The following C14orf39 variants were observed in gnomAD, a reference collection of about 807,000 sequenced individuals.
C14orf39 encodes protein SIX6OS1.
Under a neutral mutation model 85.6 loss-of-function variants are expected in C14orf39, and 66 were observed. The ratio of observed to expected loss-of-function variants is 0.77; its 90% confidence interval spans 0.63 to 0.95. The LOEUF is 0.95. Among genes scored for constraint, C14orf39 ranks in the 40% least tolerant of loss-of-function variants. C14orf39 has a pLI of 0.00. For missense variants in C14orf39, 735 were observed against 663.9 expected, an observed-to-expected ratio of 1.11 and a Z score of -1.18; for synonymous variants, 242 against 214.0, an observed-to-expected ratio of 1.13 and a Z score of -1.14.
At chr14:60,439,342 G>A (rs150885415) in intron 17 of C14orf39, among the ~76,000 whole-genome samples, 1 of 152,142 alleles carries the variant, frequency 6.6e-6, no homozygotes, top group Non-Finnish European at 1.5e-5. Context: ...GTGATCTATA[G>A]GTAAGCTGAA....
chr14:60,481,370 G>A (rs192927444), intron 4 of C14orf39, among the ~76,000 whole-genome samples: 1 of 152,156 alleles, frequency 6.6e-6, no homozygotes, highest in African/African-American at 2.4e-5. Context: ...CAAAATTTAT[G>A]CTTGGGCCAG....
chr14:60,509,582 T>C, intron 1 of C14orf39: 1 of 1,613,076 alleles, frequency 6.2e-7, no homozygotes, highest in Non-Finnish European at 8.5e-7. Flanking sequence ...CATCGTGGCC[T>C]TTCACGGTGG....
chr14:60,483,142 G>A (rs573632315), intron 4 of C14orf39, among the ~76,000 whole-genome samples: 3 of 152,112 alleles, frequency 2.0e-5, no homozygotes, highest in Admixed American at 2.0e-4. Context: ...TTAAAATTTT[G>A]AATAACAAAA....
At chr14:60,460,068 T>C (rs947952072) in intron 13 of C14orf39, among the ~76,000 whole-genome samples, 6 of 151,720 alleles carry the variant, frequency 4.0e-5, no homozygotes, top group South Asian at 2.1e-4. Flanking sequence ...GAGAGCTTTA[T>C]AGTTTTTGTC....
chr14:60,510,966 G>A, intron 1 of C14orf39: 1 of 1,052,964 alleles, frequency 9.5e-7, no homozygotes. Context: ...CGCCTTAACT[G>A]CTGGGGTCTT....
At chr14:60,495,053 T>G (rs1333807733) in intron 2 of C14orf39, 1 of 213,208 alleles carries the variant, frequency 4.7e-6, no homozygotes, top group Non-Finnish European at 9.9e-6. Flanking sequence ...AGACACAACT[T>G]TATTGATGTG....
At chr14:60,497,635 G>A (rs1183589275) in intron 2 of C14orf39, among the ~76,000 whole-genome samples, 1 of 152,188 alleles carries the variant, frequency 6.6e-6, no homozygotes, top group African/African-American at 2.4e-5. Flanking sequence ...TAGTACTTTG[G>A]GAGGCCGAGG....
upstream of C14orf39, among the ~76,000 whole-genome samples, chr14:60,487,293 C>G (rs976566932): frequency 6.6e-6 from 1 of 152,186 alleles, no homozygotes; most frequent in South Asian, 2.1e-4. Flanking sequence ...CCTCCCTCCC[C>G]CAGCCACTGG....
intron 16 of C14orf39, 71 bp downstream of exon 16, chr14:60,454,930 T>C: frequency 8.0e-7 from 1 of 1,242,920 alleles, no homozygotes; most frequent in Non-Finnish European, 1.1e-6. Context: ...AGTTTTGTAT[T>C]AAAGAACTAA....
At chr14:60,467,209 TTAG>T (rs1384482748) in intron 9 of C14orf39, among the ~76,000 whole-genome samples, 165 bp from the exon 10 acceptor site, 2 of 151,870 alleles carry the variant, frequency 1.3e-5, no homozygotes, top group African/African-American at 2.4e-5. Context: ...ACTGAATTAC[TTAG>T]TAGTGGTGTC....
chr14:60,466,914 T>C lies in C14orf39; in HGVS notation c.895+3A>G, dbSNP rs1477478929. 2 of 1,480,528 alleles carry C rather than the reference T, an allele frequency of 1.4e-6. No homozygotes were observed. Among genetic ancestry groups the C allele is most frequent in the Non-Finnish European group, 8.9e-7 (1 of 1,119,780 alleles). The allele number at this position is 1,480,528 out of a possible 1,614,324, so 91.7% of individuals were successfully genotyped here. ...GTTTTTGAATAACAAACAGATATTA[T>C]ACCTGCAACTCTTGGTTCTGAAGAA... On this transcript the variant is annotated splice_donor_region_variant and intron_variant, in intron 10 of 17. Coordinates refer to ENST00000321731, the MANE Select transcript of C14orf39 (RefSeq NM_174978.3).
At chr14:60,457,739 CTTATT>C (rs1334745393) in intron 14 of C14orf39, among the ~76,000 whole-genome samples, 2 of 151,898 alleles carry the variant, frequency 1.3e-5, no homozygotes, top group Non-Finnish European at 2.9e-5. Flanking sequence ...TGCTGTTTCT[CTTATT>C]TTAACCTTTA....
intron 11 of C14orf39, 101 bp from the exon 12 acceptor site, chr14:60,461,694 T>C (rs1159764207): frequency 1.7e-6 from 1 of 592,836 alleles, no homozygotes; most frequent in Non-Finnish European, 2.9e-6. Flanking sequence ...TAGTATTTCA[T>C]CCTTTCCATC....
Position 60,491,379 on chromosome 14 carries a change from C to A in C14orf39, c.-8-6293G>T, listed in dbSNP as rs1284192514. On this transcript the variant is annotated intron_variant, in intron 2 of 5. Transcript: ENST00000556799. This position sits in a 1 kb window ranked among gnomAD's most constrained non-coding sequence, Gnocchi z 4.5. Reference sequence around the variant, plus strand: ...CCTTTTATAGGCACTAATACTAAGCCCTCATCACGCCTCTTAATACTATTA... The same window carrying A: ...CCTTTTATAGGCACTAATACTAAGCACTCATCACGCCTCTTAATACTATTA... Among the ~76,000 whole-genome samples, 3 of 152,112 alleles carry A rather than the reference C, an allele frequency of 2.0e-5. No homozygotes were observed. The highest frequency in any genetic ancestry group is 6.5e-5 in the Admixed American group (1 of 15,274).
intron 4 of C14orf39, among the ~76,000 whole-genome samples, chr14:60,480,821 A>T (rs1566680174): frequency 6.6e-6 from 1 of 152,202 alleles, no homozygotes; most frequent in Non-Finnish European, 1.5e-5. Context: ...ATGGAACTAA[A>T]GGATGTTATG....
chr14:60,488,155 G>C (rs1389736539), upstream of C14orf39, among the ~76,000 whole-genome samples: 1 of 152,126 alleles, frequency 6.6e-6, no homozygotes, highest in African/African-American at 2.4e-5. Flanking sequence ...TAAAAAGTTA[G>C]TCTACTTCAA....
At position 60,491,944 on chromosome 14, in the gene C14orf39, A is replaced by G. The variant is rs567256743; in HGVS notation, c.-8-6858T>C. Among the ~76,000 whole-genome samples, 30 of 152,352 alleles carry G rather than the reference A, an allele frequency of 2.0e-4. No homozygotes were observed. Among genetic ancestry groups the G allele is most frequent in the African/African-American group, 6.0e-4 (25 of 41,590 alleles). The stretch of plus-strand genomic sequence containing the variant: ...AAAAATTCAAAATTTATTTTTCAAC[A>G]GACAGCATCACCAGGTACAACTACA... On this transcript the variant is annotated intron_variant, in intron 2 of 5. Coordinates refer to the C14orf39 transcript ENST00000556799. This position sits in a 1 kb window ranked among gnomAD's most constrained non-coding sequence, Gnocchi z 4.5.
chr14:60,483,386 A>C (rs998162186), intron 4 of C14orf39, among the ~76,000 whole-genome samples: 4 of 152,198 alleles, frequency 2.6e-5, no homozygotes, highest in Admixed American at 2.6e-4. Context: ...CACAAAAATA[A>C]GATCTTGAAA....
chr14:60,508,971 A>G (rs1893246613), intron 1 of C14orf39: 1 of 207,348 alleles, frequency 4.8e-6, no homozygotes, highest in African/African-American at 2.4e-5. Context: ...TGTCTTTTCA[A>G]CCTCCAGGTT....
Sources: gnomAD v4.1 joint callset for allele counts (sites outside exome capture counted in the v4.1 genomes callset) on GRCh38, gnomAD v4.1.1 for gene constraint, Gnocchi (gnomAD v3.1) non-coding constraint, MANE v1.5 for transcripts, NCBI Gene and HGNC (gene_info 2026-07-23, HGNC 2026-07-21) for gene names.